The following GOLM2 variants were observed in gnomAD, a reference collection of about 807,000 sequenced individuals.
The protein encoded by GOLM2 is protein GOLM2.
GOLM2 carries 26 observed loss-of-function variants against 55.9 expected under a neutral mutation model. The observed-to-expected ratio is 0.47, with a 90% CI of 0.34 to 0.65. GOLM2 has a LOEUF of 0.65. GOLM2 is among the 30% of genes least tolerant of loss of function. The pLI is 0.01. For missense variants in GOLM2, 486 were observed against 531.8 expected (o/e 0.91, Z 0.85); for synonymous variants, 165 against 194.6 (o/e 0.85, Z 1.27).
At chr15:44,338,570 C>CT (rs1414877557) in intron 6 of GOLM2, among the ~76,000 whole-genome samples, 1 of 152,084 alleles carries the variant, frequency 6.6e-6, no homozygotes, top group Non-Finnish European at 1.5e-5. Context: ...CTTTGCGACT[C>CT]TGAGTTTTTG....
At chr15:44,293,156 A>G (rs1358886175) in intron 1 of GOLM2, among the ~76,000 whole-genome samples, 1 of 151,556 alleles carries the variant, frequency 6.6e-6, no homozygotes, top group Non-Finnish European at 1.5e-5. Flanking sequence ...AGATCTGGAA[A>G]ACTAAACAAG....
chr15:44,377,814 T>C (rs561162581), intron 6 of GOLM2, among the ~76,000 whole-genome samples: 47 of 151,760 alleles, frequency 3.1e-4, no homozygotes, highest in Non-Finnish European at 5.7e-4. Context: ...TAAAAAAGAT[T>C]ATAAGATAGT....
At chr15:44,307,553 A>ATTTAT (rs757143772) in intron 1 of GOLM2, 2 of 152,190 alleles carry the variant, frequency 1.3e-5, no homozygotes, top group Non-Finnish European at 2.9e-5. Flanking sequence ...AAATAAAACC[A>ATTTAT]TTTATTGATA....
intron 1 of GOLM2, among the ~76,000 whole-genome samples, chr15:44,321,205 C>T (rs1250075991): frequency 6.6e-6 from 1 of 152,008 alleles, no homozygotes; most frequent in Admixed American, 6.6e-5. Context: ...GGCATTGTGC[C>T]TCACTCCTGT....
chr15:44,379,783 C>G lies in GOLM2; in HGVS notation c.896C>G (p.Pro299Arg). Residue 299 changes from proline to arginine, a missense_variant, in exon 7 of 10, where the codon CCT (proline) becomes CGT (arginine). By Grantham distance (103) the Pro-to-Arg change is moderately radical. Coordinates refer to ENST00000299957, the MANE Select transcript of GOLM2 (RefSeq NM_138423.4). The stretch of plus-strand genomic sequence containing the variant: ...GGACAACCTCTCTCCCCAAATATGC[C>G]TCCAGGTATGAAGGCTTATGCTTAT... ...PTGQPLSPNM[P>R]PDSHINHNGN... 3 of 1,593,522 alleles carry G rather than the reference C, an allele frequency of 1.9e-6. No individual in the cohort carries two copies. Among genetic ancestry groups the G allele is most frequent in the Non-Finnish European group, 2.6e-6 (3 of 1,161,742 alleles).
At chr15:44,312,465 A>G (rs2078880897) in intron 1 of GOLM2, among the ~76,000 whole-genome samples, 1 of 152,154 alleles carries the variant, frequency 6.6e-6, no homozygotes, top group Non-Finnish European at 1.5e-5. Context: ...GAATACCTAC[A>G]TCTGTACCCA....
chr15:44,409,467 TA>T (rs2079620811), intron 9 of GOLM2: 1 of 150,544 alleles, frequency 6.6e-6, no homozygotes, highest in South Asian at 2.1e-4. Context: ...CGGGCCCCTG[TA>T]ATCTCAGCAA....
At chr15:44,404,973 A>G (rs1595669794) in intron 9 of GOLM2, among the ~76,000 whole-genome samples, 2 of 152,266 alleles carry the variant, frequency 1.3e-5, no homozygotes, top group South Asian at 4.1e-4. Context: ...GGTTTTTATT[A>G]TAGTGGTTTA....
chr15:44,337,773 A>G lies in GOLM2; in HGVS notation c.587A>G (p.Gln196Arg). ...QFLEEQKQETQKIQSNDGKEL... is the reference protein window; with the variant it reads ...QFLEEQKQETRKIQSNDGKEL... ...AATTTTGTCTAACAGCAAGAGACCC[A>G]AAAGATTCAATCAAATGATGGAAAG... Residue 196 changes from glutamine (Q) to arginine (R), a missense_variant, in exon 5 of 10, where the codon CAA (glutamine) becomes CGA (arginine). Gln to Arg is a conservative substitution (Grantham distance 43). Coordinates refer to ENST00000299957, the MANE Select transcript of GOLM2 (RefSeq NM_138423.4). 1 of 1,579,332 alleles carries G rather than the reference A, an allele frequency of 6.3e-7. No individual in the cohort carries two copies. The highest frequency in any genetic ancestry group is 8.5e-7 in the Non-Finnish European group (1 of 1,170,730).
At chr15:44,313,356 T>G (rs1244823533) in intron 1 of GOLM2, among the ~76,000 whole-genome samples, 1 of 152,254 alleles carries the variant, frequency 6.6e-6, no homozygotes, top group Non-Finnish European at 1.5e-5. Context: ...CTCCTCCTAC[T>G]CCTGATAATC....
At chr15:44,375,703 C>T (rs565714992) in intron 6 of GOLM2, among the ~76,000 whole-genome samples, 1 of 152,244 alleles carries the variant, frequency 6.6e-6, no homozygotes, top group Non-Finnish European at 1.5e-5. Flanking sequence ...ACTGCTTGAG[C>T]CCCGGAGGTC....
intron 4 of GOLM2, among the ~76,000 whole-genome samples, chr15:44,335,679 C>A (rs992524013): frequency 6.6e-6 from 1 of 152,150 alleles, no homozygotes; most frequent in Non-Finnish European, 1.5e-5. Context: ...TCATTTCATT[C>A]ATCAATGATT....
rs959343338 is a variant in GOLM2, at chr15:44,292,184, C to CATAT, written c.327+2843_327+2846dup. Among the ~76,000 whole-genome samples, 159 of 144,660 alleles carry CATAT rather than the reference C, an allele frequency of 1.1e-3. 1 individual carries two copies. The highest frequency in any genetic ancestry group is 3.6e-3 in the African/African-American group (139 of 38,912). The allele number at this position is 144,660 out of a possible 152,430, so 94.9% of individuals were successfully genotyped here. A position where few individuals can be genotyped will look rare whatever the true frequency, so the allele number is the denominator to read the frequency against. Reference sequence around the variant, plus strand: ...CTGTGTGTGTATATGTGTATACATACATATATATATATATATATTTTTTTT... The same window carrying CATAT: ...CTGTGTGTGTATATGTGTATACATACATATATATATATATATATATATTTTTTTT... On this transcript the variant is annotated intron_variant, in intron 1 of 9. Coordinates refer to ENST00000299957, the MANE Select transcript of GOLM2 (RefSeq NM_138423.4).
chr15:44,345,152 A>C, intron 6 of GOLM2, among the ~76,000 whole-genome samples: 1 of 145,836 alleles, frequency 6.9e-6, no homozygotes, highest in East Asian at 2.1e-4. Context: ...TCTTGTAGCC[A>C]AGGCTGGAGT....
chr15:44,308,026 A>C (rs994841464), intron 1 of GOLM2: 1 of 152,236 alleles, frequency 6.6e-6, no homozygotes, highest in African/African-American at 2.4e-5. Flanking sequence ...AATAATGATG[A>C]TTATTGTTAT....
At chr15:44,344,056 T>C (rs565177832) in intron 6 of GOLM2, among the ~76,000 whole-genome samples, 24 of 151,692 alleles carry the variant, frequency 1.6e-4, no homozygotes, top group African/African-American at 5.8e-4. Context: ...ACCCAGGAGT[T>C]TGAGACCAGC....
At chr15:44,389,010 G>A (rs892060602) in intron 8 of GOLM2, among the ~76,000 whole-genome samples, 8 of 151,736 alleles carry the variant, frequency 5.3e-5, no homozygotes, top group Non-Finnish European at 8.8e-5. Context: ...GTAGAGACGG[G>A]GTTTCACTAT....
intron 1 of GOLM2, among the ~76,000 whole-genome samples, chr15:44,311,468 CTT>C (rs879704600): frequency 6.9e-6 from 1 of 145,756 alleles, no homozygotes. Flanking sequence ...GATTGCTTTT[CTT>C]TTTTTTTTTA....
At chr15:44,341,855 C>T (rs947168533) in intron 6 of GOLM2, among the ~76,000 whole-genome samples, 3 of 151,840 alleles carry the variant, frequency 2.0e-5, no homozygotes, top group Admixed American at 6.6e-5. Flanking sequence ...CCACCACGCC[C>T]GGCTAATTTT....
Sources: gnomAD v4.1 joint callset for allele counts (sites outside exome capture counted in the v4.1 genomes callset) on GRCh38, gnomAD v4.1.1 for gene constraint, MANE v1.5 for transcripts, NCBI Gene and HGNC (gene_info 2026-07-23, HGNC 2026-07-21) for gene names.